Variants in TENM3 observed in about 807,000 individuals in gnomAD.
TENM3 encodes teneurin-3.
Under a neutral mutation model 255.1 loss-of-function variants are expected in TENM3, and 63 were observed. The observed-to-expected ratio is 0.25, with a 90% CI of 0.20 to 0.30. The LOEUF is 0.30. TENM3 is among the 10% of genes least tolerant of loss of function. The pLI is 1.00. For synonymous variants in TENM3, 1,306 were observed against 1,322.3 expected (o/e 0.99, Z 0.27); for missense variants, 2,929 against 3,461.1 (o/e 0.85, Z 3.86).
chr4:181,886,611 A>G, the TENM3 span, among the ~76,000 whole-genome samples: 1 of 152,160 alleles, frequency 6.6e-6, no homozygotes, highest in Non-Finnish European at 1.5e-5. Flanking sequence ...AATCAAGTGT[A>G]TTTTACATAT....
In TENM3 at chr4:182,681,694, G is replaced by A. The variant is rs1756189787; in HGVS notation, c.1835-120G>A. ...TTTCAGAAACAAGTTCTTGAAAATG[G>A]TAGATAAATATTTGATTTTCCAAAA... On this transcript the variant is annotated intron_variant, in intron 10 of 27. Coordinates refer to ENST00000511685, the MANE Select transcript of TENM3 (RefSeq NM_001080477.4). 4.2e-6 allele frequency: 3 copies of A among 709,186 alleles called. No homozygotes were observed. In the African/African-American group the frequency reaches 5.4e-5, roughly 13 times the overall value. 43.9% of individuals were successfully genotyped at this position (709,186 alleles called of 1,614,324 possible). A position where few individuals can be genotyped will look rare whatever the true frequency, so the allele number is the denominator to read the frequency against.
the TENM3 span, among the ~76,000 whole-genome samples, chr4:181,792,140 A>G: frequency 6.6e-6 from 1 of 152,370 alleles, no homozygotes; most frequent in African/African-American, 2.4e-5. Context: ...ACATTATATT[A>G]AATGATATTG....
the TENM3 span, among the ~76,000 whole-genome samples, chr4:181,915,787 G>A: frequency 1.3e-5 from 2 of 152,018 alleles, no homozygotes; most frequent in Non-Finnish European, 2.9e-5. Flanking sequence ...GGAGCCAGAG[G>A]TAGTCCAGTG....
intron 5 of TENM3, among the ~76,000 whole-genome samples, chr4:182,634,437 T>G (rs1017397679): frequency 6.6e-6 from 1 of 152,122 alleles, no homozygotes; most frequent in Non-Finnish European, 1.5e-5. Context: ...CTATCCCAGT[T>G]TTTAAAAATC....
At chr4:182,638,465 G>A (rs912785791) in intron 5 of TENM3, among the ~76,000 whole-genome samples, 1 of 151,850 alleles carries the variant, frequency 6.6e-6, no homozygotes, top group Non-Finnish European at 1.5e-5. Flanking sequence ...TGGGCCTAAA[G>A]GTGCAAAGAA....
chr4:182,238,053 T>C (rs1235275548), intron 1 of TENM3, among the ~76,000 whole-genome samples: 1 of 152,170 alleles, frequency 6.6e-6, no homozygotes, highest in Non-Finnish European at 1.5e-5. Flanking sequence ...GGTGGCTTGG[T>C]TGACAGTGTT....
chr4:181,945,700 G>A, the TENM3 span, among the ~76,000 whole-genome samples: 25,791 of 151,924 alleles, frequency 0.17, 2,863 homozygotes, highest in African/African-American at 0.32. Flanking sequence ...TAGAGCACTG[G>A]CTTTTTATAT....
At chr4:181,814,251 C>G in the TENM3 span, among the ~76,000 whole-genome samples, 1 of 151,988 alleles carries the variant, frequency 6.6e-6, no homozygotes, top group South Asian at 2.1e-4. Context: ...ATGGGTATGA[C>G]TAGTGGACTT....
Position 182,800,163 on chromosome 4 carries a change from C to T in TENM3, c.7912C>T (p.Gln2638Ter). 1 of 1,472,504 alleles carries T rather than the reference C, an allele frequency of 6.8e-7. No individual in the cohort carries two copies. Among genetic ancestry groups the T allele is most frequent in the East Asian group, 2.7e-5 (1 of 36,814 alleles). 91.2% of individuals were successfully genotyped at this position (1,472,504 alleles called of 1,614,324 possible). ...ALARAWAREQ[Q>*]RVRDGEEGAR... ...CGCCCGGGCCTGGGCGCGCGAGCAG[C>T]AGCGCGTGCGCGACGGCGAGGAGGG... Residue 2638 changes from glutamine (Q) to a stop codon, truncating the protein, a stop_gained, in exon 28 of 28, where the codon CAG (glutamine) becomes TAG (stop). Coordinates refer to ENST00000511685, the MANE Select transcript of TENM3 (RefSeq NM_001080477.4). LOFTEE classifies it high-confidence loss of function.
At chr4:181,950,203 C>T in the TENM3 span, among the ~76,000 whole-genome samples, 2 of 152,114 alleles carry the variant, frequency 1.3e-5, no homozygotes, top group African/African-American at 4.8e-5. Flanking sequence ...AAAGCTCCCC[C>T]ACTGAGCACC....
intron 6 of TENM3, among the ~76,000 whole-genome samples, chr4:182,670,529 C>T (rs543673649): frequency 6.6e-6 from 1 of 152,184 alleles, no homozygotes; most frequent in Non-Finnish European, 1.5e-5. Flanking sequence ...GCTCTTGAAA[C>T]AGTGATTTCA....
At position 182,793,794 on chromosome 4, in the gene TENM3, A is replaced by T. The variant is rs1766288216; in HGVS notation, c.7122A>T (p.Arg2374Ser). 6.2e-7 allele frequency: 1 copy of T among 1,613,858 alleles called. No homozygotes were observed. Among genetic ancestry groups the T allele is most frequent in the Admixed American group, 1.7e-5 (1 of 60,000 alleles). Residue 2374 changes from arginine to serine, a missense_variant, in exon 26 of 28, where the codon AGA becomes AGT. Around this residue, in one of 6 missense-constraint regions of TENM3, gnomAD observed 476 missense variants for 480.1 expected, o/e 0.99. Coordinates refer to ENST00000511685, the MANE Select transcript of TENM3 (RefSeq NM_001080477.4). The surrounding 1 kb of genome is among the most constrained non-coding windows in gnomAD (Gnocchi z 5.7). The part of the protein sequence containing the change: ...WTTPDIEIWK[R>S]IGKDPAPFNL... ...CACCTGACATAGAAATCTGGAAAAGAATTGGGAAGGACCCAGCTCCTTTTA... is the reference window on the plus strand; with the variant it reads ...CACCTGACATAGAAATCTGGAAAAGTATTGGGAAGGACCCAGCTCCTTTTA...
intron 1 of TENM3, among the ~76,000 whole-genome samples, chr4:182,257,009 G>C (rs1340256603): frequency 6.6e-6 from 1 of 152,092 alleles, no homozygotes; most frequent in Non-Finnish European, 1.5e-5. Flanking sequence ...AAAAGGTAGT[G>C]AATATATTCA....
At chr4:181,534,526 T>C in the TENM3 span, among the ~76,000 whole-genome samples, 4 of 151,972 alleles carry the variant, frequency 2.6e-5, no homozygotes, top group Non-Finnish European at 2.9e-5. Context: ...GCTTGGCTGT[T>C]CCTGAATGTG....
intron 22 of TENM3, among the ~76,000 whole-genome samples, chr4:182,763,992 C>T (rs968670359): frequency 3.3e-5 from 5 of 152,140 alleles, no homozygotes; most frequent in African/African-American, 1.2e-4. Flanking sequence ...AAAGTGTACC[C>T]CATTCTCCTT....
the TENM3 span, among the ~76,000 whole-genome samples, chr4:181,986,619 C>T: frequency 1.3e-5 from 2 of 152,054 alleles, no homozygotes; most frequent in African/African-American, 4.8e-5. Context: ...TGTTGGTTCT[C>T]ATCTGGCTCC....
the TENM3 span, among the ~76,000 whole-genome samples, chr4:181,784,994 A>G: frequency 1.3e-5 from 2 of 152,154 alleles, no homozygotes; most frequent in Admixed American, 6.6e-5. Flanking sequence ...TACAACTAAG[A>G]GTATTCCTAA....
At chr4:182,515,306 G>A (rs62337227) in intron 3 of TENM3, among the ~76,000 whole-genome samples, 11,539 of 152,194 alleles carry the variant, frequency 0.076, 497 homozygotes, top group East Asian at 0.11. Flanking sequence ...TTGGAACAGG[G>A]TGGTTTGTCA....
At chr4:181,768,133 G>A in the TENM3 span, among the ~76,000 whole-genome samples, 1 of 152,156 alleles carries the variant, frequency 6.6e-6, no homozygotes, top group African/African-American at 2.4e-5. Context: ...TTTGGATAAA[G>A]GACATGAAGT....
Sources: gnomAD v4.1 joint callset for allele counts (sites outside exome capture counted in the v4.1 genomes callset) on GRCh38, gnomAD v4.1.1 for gene constraint, gnomAD v4.1.1 regional missense constraint, Gnocchi (gnomAD v3.1) non-coding constraint, MANE v1.5 for transcripts, NCBI Gene and HGNC (gene_info 2026-07-23, HGNC 2026-07-21) for gene names.